The following GOLGB1 variants were observed in gnomAD, a reference collection of about 807,000 sequenced individuals.
GOLGB1 encodes golgin subfamily B member 1.
A neutral mutation model predicts 336.9 loss-of-function variants in GOLGB1; 174 were observed. The ratio of observed to expected loss-of-function variants is 0.52; its 90% CI spans 0.46 to 0.59. The LOEUF is 0.59. Ranked by LOEUF, GOLGB1 falls within the 20% of genes least tolerant of loss-of-function variation. The pLI, the probability that GOLGB1 is intolerant of heterozygous loss-of-function variation, is 0.00. For missense variants in GOLGB1, 3,331 were observed against 3,645.3 expected (o/e 0.91, Z 2.22); for synonymous variants, 1,208 against 1,289.2 (o/e 0.94, Z 1.35).
chr3:121,691,906 T>C lies in GOLGB1; in HGVS notation c.7458A>G (p.Gln2486=), dbSNP rs755855443. Residue 2486 remains glutamine (Q), a synonymous_variant, in exon 14 of 22, where the codon CAA becomes CAG. Transcript: ENST00000614479. ...TAGAGAGATGTCGCTCTTCCAGCTG[T>C]TGATAGTCACCCACTATGCGGTCTC... ...NDRDRIVGDY[Q]QLEERHLSII... is the part of the protein sequence containing the mutation. 23 of 1,614,036 alleles carry C rather than the reference T, an allele frequency of 1.4e-5. 1 individual carries two copies. In the Middle Eastern group the frequency reaches 6.6e-4, roughly 46 times the overall value.
chr3:121,722,157 T>C (rs986784495), intron 6 of GOLGB1, 105 bp downstream of exon 6: 1 of 697,844 alleles, frequency 1.4e-6, no homozygotes. Context: ...CATGCTACTA[T>C]ACTTTTATCT....
At position 121,665,047 on chromosome 3, in the gene GOLGB1, A is replaced by C. The variant is rs766714895; in HGVS notation, c.9555-16T>G. On this transcript the variant is annotated splice_polypyrimidine_tract_variant and intron_variant, in intron 20 of 21. Coordinates refer to ENST00000614479, the MANE Select transcript of GOLGB1 (RefSeq NM_001366282.2). ...GTGCTCTAACCTGAGTTGAGAAAAAAAAGAGGCATAGCATTGGTTCATAGC... is the reference window on the plus strand; with the variant it reads ...GTGCTCTAACCTGAGTTGAGAAAAACAAGAGGCATAGCATTGGTTCATAGC... 45 of 1,412,730 alleles carry C rather than the reference A, an allele frequency of 3.2e-5. No individual in the cohort carries two copies. The highest frequency in any genetic ancestry group is 4.3e-5 in the Non-Finnish European group (43 of 996,480). The allele number at this position is 1,412,730 out of a possible 1,614,324, so 87.5% of individuals were successfully genotyped here.
At chr3:121,693,545 T>C (rs1289222492) in intron 13 of GOLGB1, among the ~76,000 whole-genome samples, 196 bp downstream of exon 13, 2 of 152,128 alleles carry the variant, frequency 1.3e-5, no homozygotes, top group Non-Finnish European at 1.5e-5. Flanking sequence ...GAAGAGAAGA[T>C]GCGAACTTTT....
intron 2 of GOLGB1, 140 bp downstream of exon 2, chr3:121,730,736 A>T: frequency 1.3e-6 from 1 of 755,868 alleles, no homozygotes; most frequent in Non-Finnish European, 2.0e-6. Context: ...AGGATCACTT[A>T]TAAAATTTCA....
At position 121,669,263 on chromosome 3, in the gene GOLGB1, G is replaced by A; in HGVS notation, c.9270C>T (p.Asp3090=). ...SLRENQQHYG[D]LLNHCAVLEK... ...CCAAGACTGCACAGTGATTTAAAAG[G>A]TCACCATAGTGCTGCTGGTTCTCAC... Residue 3090 remains aspartate (D), a synonymous_variant, in exon 18 of 22, where the codon GAC becomes GAT. Coordinates refer to ENST00000614479, the MANE Select transcript of GOLGB1 (RefSeq NM_001366282.2). 6.2e-7 allele frequency: 1 copy of A among 1,613,916 alleles called. No homozygotes were observed. Among genetic ancestry groups the A allele is most frequent in the Non-Finnish European group, 8.5e-7 (1 of 1,179,848 alleles).
rs1338870597 is a variant in GOLGB1, at chr3:121,695,851, T to C, written c.4672A>G (p.Thr1558Ala). ...LLQEERDKLI[T>A]EMDRSLLENQ... ...TCCAATAAAGACCTGTCCATTTCTG[T>C]AATGAGTTTGTCTCTTTCTTCTTGA... The change falls in exon 13 of 22, where the codon ACA (threonine) becomes GCA (alanine). Residue 1558 changes from threonine to alanine, a missense_variant. Coordinates refer to ENST00000614479, the MANE Select transcript of GOLGB1 (RefSeq NM_001366282.2). 6.2e-7 allele frequency: 1 copy of C among 1,613,952 alleles called. No homozygotes were observed. The highest frequency in any genetic ancestry group is 1.7e-5 in the Admixed American group (1 of 60,022).
chr3:121,691,113 T>C lies in GOLGB1; in HGVS notation c.8251A>G (p.Ser2751Gly). 1 of 1,614,100 alleles carries C rather than the reference T, an allele frequency of 6.2e-7. No individual in the cohort carries two copies. Among genetic ancestry groups the C allele is most frequent in the Non-Finnish European group, 8.5e-7 (1 of 1,180,028 alleles). The change falls in exon 14 of 22, where the codon AGT (serine) becomes GGT (glycine). Residue 2751 changes from serine to glycine, a missense_variant. Transcript: ENST00000614479. Reference sequence around the variant, plus strand: ...AGTTCCTCATTGGCATGATCTCTACTATTTTGCAAGGAACTCATAGACCTT... The same window carrying C: ...AGTTCCTCATTGGCATGATCTCTACCATTTTGCAAGGAACTCATAGACCTT... ...FGRSMSSLQN[S>G]RDHANEELDE...
At chr3:121,664,719 A>G in intron 21 of GOLGB1, 105 bp from the exon 22 acceptor site, 1 of 1,112,544 alleles carries the variant, frequency 9.0e-7, no homozygotes, top group Middle Eastern at 2.0e-4. Flanking sequence ...ACCACTGTAG[A>G]AAGGGGTATT....
intron 10 of GOLGB1, among the ~76,000 whole-genome samples, chr3:121,710,131 C>T (rs1944225642): frequency 6.7e-6 from 1 of 150,326 alleles, no homozygotes; most frequent in East Asian, 1.9e-4. Context: ...TTATTATTAG[C>T]CTTATATCTG....
intron 4 of GOLGB1, among the ~76,000 whole-genome samples, chr3:121,727,289 CACACATAT>C (rs1471351340): frequency 2.3e-5 from 1 of 44,374 alleles, no homozygotes; most frequent in African/African-American, 5.8e-5. Flanking sequence ...CATACACACA[CACACATAT>C]ATATATATAT....
chr3:121,683,166 T>A (rs1391136842), intron 14 of GOLGB1, among the ~76,000 whole-genome samples: 2 of 145,596 alleles, frequency 1.4e-5, no homozygotes, highest in Admixed American at 1.4e-4. Context: ...CCTCCCGAAG[T>A]GCTGGGATTA....
At position 121,729,326 on chromosome 3, in the gene GOLGB1, A is replaced by G; in HGVS notation, c.264T>C (p.Ala88=). Reference sequence around the variant, plus strand: ...TTAGTTTTTTAATTTTGTTATCAGCAGCTTTTCTCTCTTCCTGCCCAAAAA... The same window carrying G: ...TTAGTTTTTTAATTTTGTTATCAGCGGCTTTTCTCTCTTCCTGCCCAAAAA... ...KDEALQEERK[A]ADNKIKKLKL... Residue 88 remains alanine (A), a synonymous_variant, in exon 4 of 22, where the codon GCT becomes GCC. Transcript: ENST00000614479. 6.2e-7 allele frequency: 1 copy of G among 1,612,448 alleles called. No individual in the cohort carries two copies. Among genetic ancestry groups the G allele is most frequent in the Non-Finnish European group, 8.5e-7 (1 of 1,178,970 alleles).
Position 121,698,647 on chromosome 3 carries a change from C to T in GOLGB1, c.1876G>A (p.Asp626Asn). Reference protein sequence around the residue: ...MKVFLEDTGQDFPLMPNEESS... With the variant: ...MKVFLEDTGQNFPLMPNEESS... ...TCTTCATTTGGCATTAAGGGAAAAT[C>T]TTGCCCTGTATCTTCAAGAAATACT... The change falls in exon 13 of 22, where the codon GAT (aspartate) becomes AAT (asparagine). Residue 626 changes from aspartate to asparagine, a missense_variant. Transcript: ENST00000614479. 1 of 1,613,856 alleles carries T rather than the reference C, an allele frequency of 6.2e-7. No individual in the cohort carries two copies. Among genetic ancestry groups the T allele is most frequent in the Non-Finnish European group, 8.5e-7 (1 of 1,179,812 alleles).
intron 10 of GOLGB1, among the ~76,000 whole-genome samples, chr3:121,706,983 C>A (rs998262692): frequency 6.6e-6 from 1 of 151,314 alleles, no homozygotes; most frequent in African/African-American, 2.4e-5. Flanking sequence ...GAGGCCGAGG[C>A]GGGTGGATCA....
chr3:121,742,295 C>G (rs1011931035), intron 1 of GOLGB1, among the ~76,000 whole-genome samples: 4 of 152,024 alleles, frequency 2.6e-5, no homozygotes, highest in Admixed American at 6.6e-5. Context: ...CAGAACAGAG[C>G]CCTCAGAAAT....
At chr3:121,717,548 T>A (rs1046144823) in intron 8 of GOLGB1, among the ~76,000 whole-genome samples, 6 of 152,196 alleles carry the variant, frequency 3.9e-5, no homozygotes, top group Non-Finnish European at 8.8e-5. Context: ...TGGAATTCAA[T>A]GAGAATGAAG....
At position 121,699,836 on chromosome 3, in the gene GOLGB1, C is replaced by T; in HGVS notation, c.1569G>A (p.Gly523=). ...CCTCACTGACTTCTCTGTCTGCCTC[C>T]CCAGTTCTATTCTGAGCCTCTAGGA... ...ITLLEAQNRT[G]EADREVSEIS... The change falls in exon 12 of 22, where the codon GGG becomes GGA. Residue 523 remains glycine, a synonymous_variant. Coordinates refer to ENST00000614479, the MANE Select transcript of GOLGB1 (RefSeq NM_001366282.2). 1 of 1,604,500 alleles carries T rather than the reference C, an allele frequency of 6.2e-7. No homozygotes were observed. The highest frequency in any genetic ancestry group is 8.5e-7 in the Non-Finnish European group (1 of 1,172,316).
In GOLGB1 at chr3:121,694,990, G is replaced by C; in HGVS notation, c.5533C>G (p.Gln1845Glu). 6.2e-7 allele frequency: 1 copy of C among 1,613,932 alleles called. No individual in the cohort carries two copies. The highest frequency in any genetic ancestry group is 1.3e-5 in the African/African-American group (1 of 75,032). ...SSHDEINNYL[Q>E]QIDQLKERIA... Reference sequence around the variant, plus strand: ...CTTTCTTTGAGCTGATCAATCTGCTGTAGGTAGTTATTAATTTCATCATGT... The same window carrying C: ...CTTTCTTTGAGCTGATCAATCTGCTCTAGGTAGTTATTAATTTCATCATGT... Residue 1845 changes from glutamine to glutamate, a missense_variant, in exon 13 of 22, where the codon CAG becomes GAG. Transcript: ENST00000614479.
chr3:121,727,065 A>C, intron 4 of GOLGB1, 24 bp from the exon 5 acceptor site: 1 of 1,392,742 alleles, frequency 7.2e-7, no homozygotes, highest in Non-Finnish European at 9.8e-7. Flanking sequence ...AGATAAAGTC[A>C]TTATTTAAAA....
Sources: gnomAD v4.1 joint callset for allele counts (sites outside exome capture counted in the v4.1 genomes callset) on GRCh38, gnomAD v4.1.1 for gene constraint, MANE v1.5 for transcripts, NCBI Gene and HGNC (gene_info 2026-07-23, HGNC 2026-07-21) for gene names.